ROBO2: variants seen among roughly 807,000 people sequenced by gnomAD.
ROBO2 encodes the protein roundabout homolog 2.
Under a neutral mutation model 160.8 loss-of-function variants are expected in ROBO2, and 53 were observed. The observed-to-expected ratio is 0.33, with a 90% confidence interval of 0.26 to 0.41. The LOEUF (loss-of-function observed/expected upper bound fraction) is 0.41, where lower values mean the gene tolerates loss of function less well. ROBO2 is among the 10% of genes least tolerant of loss of function. The probability of loss-of-function intolerance (pLI) is 1.00; values close to 1 mark genes in which losing one functional copy is unlikely to be tolerated. For missense variants in ROBO2, 1,577 were observed against 1,722.4 expected (o/e 0.92, Z 1.49); for synonymous variants, 664 against 611.7 (o/e 1.09, Z -1.26).
chr3:76,848,839 G>A (rs1299042329), intron 2 of ROBO2, among the ~76,000 whole-genome samples: 1 of 152,230 alleles, frequency 6.6e-6, no homozygotes, highest in African/African-American at 2.4e-5. Context: ...TTCAACATAC[G>A]AATATTGGGG....
At chr3:77,206,520 T>C (rs1579971272) in intron 2 of ROBO2, among the ~76,000 whole-genome samples, 1 of 152,108 alleles carries the variant, frequency 6.6e-6, no homozygotes. Flanking sequence ...CCTACCCAAG[T>C]ATGACTTCAT....
At chr3:77,366,140 C>T (rs1356428319) in intron 2 of ROBO2, among the ~76,000 whole-genome samples, 2 of 152,098 alleles carry the variant, frequency 1.3e-5, no homozygotes, top group South Asian at 2.1e-4. Flanking sequence ...ACATTAAATT[C>T]ACTCATCCAT....
intron 2 of ROBO2, among the ~76,000 whole-genome samples, chr3:76,261,726 AT>A (rs34677704): frequency 6.6e-6 from 1 of 151,954 alleles, no homozygotes; most frequent in Non-Finnish European, 1.5e-5. Flanking sequence ...TACTGTGTGC[AT>A]TTTTTTAGTA....
chr3:76,585,361 C>T (rs749693846), intron 2 of ROBO2, among the ~76,000 whole-genome samples: 1 of 152,166 alleles, frequency 6.6e-6, no homozygotes, highest in South Asian at 2.1e-4. Context: ...CATGTTAGCT[C>T]ACTAAAAATT....
intron 2 of ROBO2, among the ~76,000 whole-genome samples, chr3:77,162,441 A>G (rs1008160267): frequency 6.6e-6 from 1 of 152,180 alleles, no homozygotes; most frequent in Admixed American, 6.5e-5. Context: ...GAAAAGAATT[A>G]CCGTTGTCTT....
intron 1 of ROBO2, among the ~76,000 whole-genome samples, chr3:75,921,923 G>A (rs1475524173): frequency 6.6e-6 from 1 of 152,090 alleles, no homozygotes; most frequent in East Asian, 1.9e-4. Flanking sequence ...ACCAAAAACA[G>A]TTTCTGTATA....
chr3:77,316,259 A>T (rs1234440280), intron 2 of ROBO2, among the ~76,000 whole-genome samples: 1 of 152,128 alleles, frequency 6.6e-6, no homozygotes, highest in Admixed American at 6.5e-5. Context: ...CACCCTGCAG[A>T]CCATTTGGTG....
intron 2 of ROBO2, among the ~76,000 whole-genome samples, chr3:75,942,971 T>A (rs1417096031): frequency 6.6e-6 from 1 of 151,856 alleles, no homozygotes; most frequent in Non-Finnish European, 1.5e-5. Flanking sequence ...ATGCTGTATA[T>A]CTACTAGCAG....
At chr3:76,395,775 G>T (rs1013925772) in intron 2 of ROBO2, among the ~76,000 whole-genome samples, 9 of 152,110 alleles carry the variant, frequency 5.9e-5, no homozygotes, top group African/African-American at 1.9e-4. Flanking sequence ...AAACCAGGAA[G>T]AAGTTGAATC....
Position 76,200,877 on chromosome 3 carries a change from A to G in ROBO2, c.109+263275A>G, listed in dbSNP as rs139627321. Among the ~76,000 whole-genome samples, 215 of 152,254 alleles carry G rather than the reference A, an allele frequency of 1.4e-3. 1 individual carries two copies. Among genetic ancestry groups the G allele is most frequent in the African/African-American group, 5.0e-3 (208 of 41,564 alleles). ...GAGCCAGCTCACACGTTAGATTTGG[A>G]CCCCTTACAAAACTAGCATGTGGGT... is the stretch of plus-strand genomic sequence containing the variant. On this transcript the variant is annotated intron_variant, in intron 2 of 26. Coordinates refer to the ROBO2 transcript ENST00000487694.
At chr3:76,170,273 C>CCTT in intron 2 of ROBO2, among the ~76,000 whole-genome samples, 1 of 152,140 alleles carries the variant, frequency 6.6e-6, no homozygotes, top group East Asian at 1.9e-4. Flanking sequence ...TTTTAAAATC[C>CCTT]CTTTGCTATA....
chr3:77,224,869 A>G (rs1288615858), intron 2 of ROBO2, among the ~76,000 whole-genome samples: 1 of 151,804 alleles, frequency 6.6e-6, no homozygotes, highest in African/African-American at 2.4e-5. Flanking sequence ...AAGACCGCTG[A>G]TAGTGGATGA....
chr3:77,303,998 G>C (rs978605261), intron 2 of ROBO2, among the ~76,000 whole-genome samples: 17 of 152,014 alleles, frequency 1.1e-4, no homozygotes, highest in African/African-American at 4.1e-4. Context: ...CTCTTTAGTG[G>C]GATAGCTTTC....
intron 2 of ROBO2, among the ~76,000 whole-genome samples, chr3:76,504,519 C>CT (rs57591523): frequency 0.024 from 1,800 of 73,562 alleles, 299 homozygotes; most frequent in Non-Finnish European, 0.033. Context: ...AGAAAATACT[C>CT]TTTTTTTTTT....
chr3:77,524,825 T>C (rs2090973919), intron 6 of ROBO2, among the ~76,000 whole-genome samples: 1 of 151,234 alleles, frequency 6.6e-6, no homozygotes, highest in Non-Finnish European at 1.5e-5. Flanking sequence ...TTAAATAGCC[T>C]CTCCCCTAAT....
intron 2 of ROBO2, among the ~76,000 whole-genome samples, chr3:76,493,364 T>TATATAA (rs1491215318): frequency 4.0e-4 from 55 of 136,750 alleles, no homozygotes; most frequent in African/African-American, 1.3e-3. Flanking sequence ...TATATATATA[T>TATATAA]AATTGTATAT....
At chr3:76,301,150 G>A (rs1325100743) in intron 2 of ROBO2, among the ~76,000 whole-genome samples, 2 of 152,062 alleles carry the variant, frequency 1.3e-5, no homozygotes, top group Non-Finnish European at 2.9e-5. Context: ...AAATCTAAAG[G>A]AAGGACATTA....
chr3:77,307,036 T>A (rs2063155943), intron 2 of ROBO2, among the ~76,000 whole-genome samples: 1 of 152,214 alleles, frequency 6.6e-6, no homozygotes, highest in Non-Finnish European at 1.5e-5. Context: ...AGATACCTTG[T>A]CACCTTAAAA....
At chr3:76,834,062 T>TCTCTTTCTTTTC (rs1553651248) in intron 2 of ROBO2, among the ~76,000 whole-genome samples, 1 of 88,012 alleles carries the variant, frequency 1.1e-5, no homozygotes, top group East Asian at 3.7e-4. Context: ...CCTTTCTTTC[T>TCTCTTTCTTTTC]TTTCTTTCTT....
Sources: allele counts gnomAD v4.1 joint callset (sites outside exome capture counted in the v4.1 genomes callset), GRCh38; gene constraint gnomAD v4.1.1; transcripts MANE v1.5; gene names NCBI Gene and HGNC (gene_info 2026-07-23, HGNC 2026-07-21).